The following RIPOR3 variants were observed in gnomAD, a reference collection of about 807,000 sequenced individuals.
The protein encoded by RIPOR3 is family with sequence similarity 65 member C.
In RIPOR3, 95 loss-of-function variants were observed where a neutral mutation model predicts 114.3. The observed-to-expected ratio is 0.83, with a 90% CI of 0.70 to 0.99. RIPOR3 has a LOEUF of 0.99. RIPOR3 is among the 50% of genes least tolerant of loss of function. The pLI is 0.00. For synonymous variants in RIPOR3, 575 were observed against 543.8 expected (o/e 1.06, Z -0.80); for missense variants, 1,252 against 1,266.9 (o/e 0.99, Z 0.18).
intron 1 of RIPOR3, among the ~76,000 whole-genome samples, chr20:50,676,769 C>CTT (rs1310891448): frequency 2.8e-4 from 37 of 132,810 alleles, no homozygotes; most frequent in African/African-American, 6.8e-4. Flanking sequence ...CCAGATTCTA[C>CTT]TTTTTTTTTT....
rs765365584 is a variant in RIPOR3 at position 50,620,111 on chromosome 20, G to A, written c.144C>T (p.Ser48=). The stretch of plus-strand genomic sequence containing the variant: ...ATTTTGCAGGCATTCGCGATCTCAC[G>A]GAGTTCCTGTTGATGGACTTTCTGT... ...RRIAKSINRN[S]VRSRMPAKSS... Residue 48 remains serine, a synonymous_variant, in exon 3 of 22, where the codon TCC becomes TCT. Coordinates refer to ENST00000327979, the MANE Select transcript of RIPOR3 (RefSeq NM_001290268.2). The A allele has an allele frequency of 1.3e-5, 21 of 1,613,934 alleles. No homozygotes were observed. The highest frequency in any genetic ancestry group is 8.8e-5 in the South Asian group (8 of 91,080).
chr20:50,594,751 G>A (rs772910700), intron 16 of RIPOR3, 37 bp from the exon 17 acceptor site: 48 of 1,587,462 alleles, frequency 3.0e-5, no homozygotes, highest in Middle Eastern at 1.7e-4. Flanking sequence ...ATGGTGACTC[G>A]GGGAGAGCAC....
At chr20:50,637,873 T>C (rs988420752) in intron 1 of RIPOR3, among the ~76,000 whole-genome samples, 8 of 151,904 alleles carry the variant, frequency 5.3e-5, no homozygotes, top group African/African-American at 1.9e-4. Flanking sequence ...AGACTTCGTC[T>C]CAAAAAAAAA....
intron 14 of RIPOR3, 83 bp from the exon 15 acceptor site, chr20:50,596,346 G>C: frequency 6.3e-7 from 1 of 1,583,700 alleles, no homozygotes; most frequent in South Asian, 1.2e-5. Context: ...CCTTCCCAGC[G>C]AGCCCCAGGT....
Position 50,587,199 on chromosome 20 carries a change from G to A in RIPOR3, c.*33C>T, listed in dbSNP as rs778650387. On this transcript the variant is annotated 3_prime_UTR_variant, in exon 22 of 22. Transcript: ENST00000327979. ...CAGGCTGGGCAGCAGCAAAAAAAAC[G>A]ATGTGAGATTTGTGCTCATCAGCCA... is the stretch of plus-strand genomic sequence containing the variant. 10 of 1,557,354 alleles carry A rather than the reference G, an allele frequency of 6.4e-6. No individual in the cohort carries two copies. The highest frequency in any genetic ancestry group is 1.7e-5 in the Admixed American group (1 of 59,832).
In RIPOR3 at chr20:50,609,594, G is replaced by T. The variant is rs1014088763; in HGVS notation, c.555C>A (p.Arg185=). The T allele has an allele frequency of 3.5e-6, 5 of 1,417,674 alleles. No homozygotes were observed. Among genetic ancestry groups the T allele is most frequent in the African/African-American group, 1.5e-5 (1 of 67,892 alleles). 87.8% of individuals were successfully genotyped at this position (1,417,674 alleles called of 1,614,324 possible). Residue 185 remains arginine (R), a synonymous_variant, in exon 7 of 22, where the codon CGC becomes CGA. Coordinates refer to ENST00000327979, the MANE Select transcript of RIPOR3 (RefSeq NM_001290268.2). The stretch of plus-strand genomic sequence containing the variant: ...CCACCTCGGCGCACTCGTGCAGGCT[G>T]CGGCCCAGCTCCTGCAGGCTCTCTC... ...AARESLQELG[R]SLHECAEDMW...
At chr20:50,616,633 C>T (rs569263706) in intron 3 of RIPOR3, among the ~76,000 whole-genome samples, 3 of 152,164 alleles carry the variant, frequency 2.0e-5, no homozygotes, top group African/African-American at 4.8e-5. Context: ...GGTGAGCTAC[C>T]GCATCCAACC....
rs2083545130 is a variant in RIPOR3 at position 50,602,618 on chromosome 20, C to G, written c.1113G>C (p.Gln371His). ...CCCTTGGGCCACCCAGCAGCAAGGC[C>G]TGCTGTGTTGGCTGCTGTAGGACAG... ...YLSVLQQPTQ[Q>H]ALLLGGPRAT... is the part of the protein sequence containing the mutation. The change falls in exon 13 of 22, where the codon CAG becomes CAC. Residue 371 changes from glutamine to histidine, a missense_variant. Physicochemically the swap from Gln to His is conservative, Grantham distance 24. Transcript: ENST00000327979. This position sits in a 1 kb window ranked among gnomAD's most constrained non-coding sequence, Gnocchi z 4.3. 1 of 1,508,680 alleles carries G rather than the reference C, an allele frequency of 6.6e-7. No individual in the cohort carries two copies. The highest frequency in any genetic ancestry group is 8.9e-7 in the Non-Finnish European group (1 of 1,129,218). The allele number at this position is 1,508,680 out of a possible 1,614,324, so 93.5% of individuals were successfully genotyped here. A position where few individuals can be genotyped will look rare whatever the true frequency, so the allele number is the denominator to read the frequency against.
chr20:50,590,111 CA>C, intron 19 of RIPOR3: 1 of 294,464 alleles, frequency 3.4e-6, no homozygotes, highest in South Asian at 3.4e-5. Flanking sequence ...AAGAACTGAT[CA>C]TCCCATGTGC....
chr20:50,668,280 G>C (rs2086328499), intron 1 of RIPOR3, among the ~76,000 whole-genome samples: 1 of 152,122 alleles, frequency 6.6e-6, no homozygotes, highest in South Asian at 2.1e-4. Flanking sequence ...CCTCAGCTCT[G>C]AGACCAGCAG....
At chr20:50,608,243 G>T in intron 11 of RIPOR3, 146 bp downstream of exon 11, 1 of 1,119,314 alleles carries the variant, frequency 8.9e-7, no homozygotes, top group Non-Finnish European at 1.3e-6. Flanking sequence ...CCTGACTGAG[G>T]GGTGGGAGTG....
At chr20:50,613,087 T>C (rs1007947233) in intron 4 of RIPOR3, among the ~76,000 whole-genome samples, 14 of 152,010 alleles carry the variant, frequency 9.2e-5, no homozygotes, top group Non-Finnish European at 1.9e-4. Context: ...AGTAAGACCT[T>C]GTCACTTTAA....
chr20:50,588,217 C>A (rs2082985373), intron 20 of RIPOR3, among the ~76,000 whole-genome samples: 1 of 152,244 alleles, frequency 6.6e-6, no homozygotes, highest in South Asian at 2.1e-4. Flanking sequence ...CTCACGCTCT[C>A]CTTGCCCTAC....
chr20:50,605,786 A>C (rs2083688552), intron 11 of RIPOR3, among the ~76,000 whole-genome samples: 1 of 151,106 alleles, frequency 6.6e-6, no homozygotes, highest in South Asian at 2.1e-4. Flanking sequence ...CTCAAAAAAA[A>C]AGAAAAAAAA....
intron 1 of RIPOR3, among the ~76,000 whole-genome samples, chr20:50,668,925 G>A (rs1040730600): frequency 2.6e-4 from 39 of 151,290 alleles, no homozygotes; most frequent in Admixed American, 1.1e-3. Context: ...CATGGCTCAT[G>A]CATGCACATG....
chr20:50,606,492 T>C (rs1229097039), intron 11 of RIPOR3, among the ~76,000 whole-genome samples: 2 of 152,146 alleles, frequency 1.3e-5, no homozygotes, highest in Non-Finnish European at 2.9e-5. Context: ...CCTCCAACCA[T>C]GGCTCAGATG....
At chr20:50,639,155 T>C (rs1384881936) in intron 1 of RIPOR3, among the ~76,000 whole-genome samples, 1 of 151,682 alleles carries the variant, frequency 6.6e-6, no homozygotes, top group African/African-American at 2.4e-5. Context: ...GGCAGGAGAA[T>C]TGCTTGAACC....
At chr20:50,671,428 G>GCA (rs1160861232) in intron 1 of RIPOR3, among the ~76,000 whole-genome samples, 2,121 of 38,108 alleles carry the variant, frequency 0.056, 54 homozygotes, top group African/African-American at 0.11. Flanking sequence ...ACGCGCGCGC[G>GCA]CACACACACA....
In RIPOR3 at chr20:50,642,184, T is replaced by C. The variant is rs1292212729; in HGVS notation, c.4-11328A>G. Among the ~76,000 whole-genome samples the C allele has an allele frequency of 2.0e-5, 3 of 152,144 alleles. 1 individual carries two copies. The highest frequency in any genetic ancestry group is 7.2e-5 in the African/African-American group (3 of 41,444). ...AGCACATTTCCTTAGGTTTACCGGC[T>C]TCCCAATCTCCTCTTCTGGGAATTT... On this transcript the variant is annotated intron_variant, in intron 1 of 21. Coordinates refer to ENST00000327979, the MANE Select transcript of RIPOR3 (RefSeq NM_001290268.2).
Sources: allele counts gnomAD v4.1 joint callset (sites outside exome capture counted in the v4.1 genomes callset), GRCh38; gene constraint gnomAD v4.1.1; non-coding constraint Gnocchi (gnomAD v3.1); transcripts MANE v1.5; gene names NCBI Gene and HGNC (gene_info 2026-07-23, HGNC 2026-07-21).